The following RYR2 variants were observed in gnomAD, a reference collection of about 807,000 sequenced individuals.
RYR2 encodes cardiac muscle ryanodine receptor-calcium release channel.
Under a neutral mutation model 601.1 loss-of-function variants are expected in RYR2, and 227 were observed. The observed-to-expected ratio is 0.38, with a 90% CI of 0.34 to 0.42. RYR2 has a LOEUF of 0.42. RYR2 is among the 10% of genes least tolerant of loss of function. RYR2 has a pLI of 1.00. For synonymous variants in RYR2, 2,223 were observed against 2,175.1 expected, an observed-to-expected ratio of 1.02 and a Z score of -0.61; for missense variants, 4,646 against 6,156.5, an observed-to-expected ratio of 0.75 and a Z score of 8.21.
intron 1 of RYR2, among the ~76,000 whole-genome samples, chr1:237,093,898 C>A (rs1667232398): frequency 6.6e-6 from 1 of 152,174 alleles, no homozygotes; most frequent in Non-Finnish European, 1.5e-5. Flanking sequence ...ACGTGGCAAA[C>A]CAGAGTGGTG....
chr1:237,456,709 T>C lies in RYR2; in HGVS notation c.1586T>C (p.Ile529Thr), dbSNP rs758084636. 6.2e-7 allele frequency: 1 copy of C among 1,613,640 alleles called. No individual in the cohort carries two copies. The highest frequency in any genetic ancestry group is 2.2e-5 in the East Asian group (1 of 44,874). ...GAAGCAGGAGAGTCTTGGAAATCCA[T>C]TCTGAATTCTCTGTATGAGTTGCTG... Reference protein sequence around the residue: ...GREAGESWKSILNSLYELLAA... With the variant: ...GREAGESWKSTLNSLYELLAA... Residue 529 changes from isoleucine (I) to threonine (T), a missense_variant, in exon 16 of 105, where the codon ATT becomes ACT. Transcript: ENST00000366574.
chr1:237,229,264 A>C (rs1684718141), intron 1 of RYR2, among the ~76,000 whole-genome samples: 1 of 152,224 alleles, frequency 6.6e-6, no homozygotes, highest in African/African-American at 2.4e-5. Flanking sequence ...CTACAGGAGA[A>C]ATGTAGCACT....
chr1:237,336,692 A>G (rs1302765786), intron 3 of RYR2, among the ~76,000 whole-genome samples: 3 of 150,818 alleles, frequency 2.0e-5, no homozygotes, highest in Non-Finnish European at 3.0e-5. Context: ...CCCGTCTCTT[A>G]TGAAAAATAC....
intron 15 of RYR2, among the ~76,000 whole-genome samples, chr1:237,456,084 T>A (rs1485479394): frequency 6.6e-6 from 1 of 152,174 alleles, no homozygotes; most frequent in Non-Finnish European, 1.5e-5. Flanking sequence ...GCTCTTTATG[T>A]GGTTTGCCAC....
chr1:237,057,106 G>A (rs778768971), intron 1 of RYR2, among the ~76,000 whole-genome samples: 18 of 152,172 alleles, frequency 1.2e-4, no homozygotes, highest in Admixed American at 2.6e-4. Context: ...GTGTGATTGA[G>A]AAACCACAAA....
rs112387072 is a variant in RYR2 at position 237,591,663 on chromosome 1, A to G, written c.4161-76A>G. 23,394 of 1,232,216 alleles carry G rather than the reference A, an allele frequency of 0.019. 254 individuals are homozygous for G. The highest frequency in any genetic ancestry group is 0.022 in the Non-Finnish European group (19,069 of 854,702). The allele number at this position is 1,232,216 out of a possible 1,614,324, so 76.3% of individuals were successfully genotyped here. A position where few individuals can be genotyped will look rare whatever the true frequency, so the allele number is the denominator to read the frequency against. On this transcript the variant is annotated intron_variant, in intron 31 of 104. Coordinates refer to ENST00000366574, the MANE Select transcript of RYR2 (RefSeq NM_001035.3). ...AATCGCCCAGGTTTAAGGCAACTCA[A>G]TTGATTATATGCTCATATTTGAAGT... is the stretch of plus-strand genomic sequence containing the variant.
At chr1:237,196,850 A>G (rs970421307) in intron 1 of RYR2, among the ~76,000 whole-genome samples, 1 of 152,148 alleles carries the variant, frequency 6.6e-6, no homozygotes, top group African/African-American at 2.4e-5. Context: ...TTATGTATCA[A>G]TTTGGGAGCA....
At chr1:237,281,610 G>A (rs900085744) in intron 2 of RYR2, among the ~76,000 whole-genome samples, 2 of 152,226 alleles carry the variant, frequency 1.3e-5, no homozygotes, top group Non-Finnish European at 2.9e-5. Flanking sequence ...AAAGTGCGTA[G>A]CCAGTTTTTG....
chr1:237,717,824 A>G (rs1328291939), intron 72 of RYR2, among the ~76,000 whole-genome samples: 1 of 151,682 alleles, frequency 6.6e-6, no homozygotes, highest in Admixed American at 6.6e-5. Context: ...AGTTCTCAAG[A>G]TTTTACAATG....
chr1:237,538,047 A>T (rs1439860662), intron 25 of RYR2, among the ~76,000 whole-genome samples: 1 of 151,814 alleles, frequency 6.6e-6, no homozygotes, highest in Non-Finnish European at 1.5e-5. Context: ...TAATCTACTT[A>T]AAAAAAATGT....
intron 69 of RYR2, 124 bp downstream of exon 69, chr1:237,709,222 G>A (rs1303357690): frequency 1.1e-6 from 1 of 926,676 alleles, no homozygotes; most frequent in Non-Finnish European, 1.6e-6. Flanking sequence ...ATAATTAACT[G>A]TTTATAGGCA....
intron 25 of RYR2, among the ~76,000 whole-genome samples, chr1:237,547,356 T>A (rs185038819): frequency 3.2e-4 from 49 of 152,328 alleles, no homozygotes; most frequent in Admixed American, 2.8e-3. Flanking sequence ...AATAATTAAT[T>A]TTGTAACTTA....
At chr1:237,231,145 T>C (rs1213630549) in intron 1 of RYR2, among the ~76,000 whole-genome samples, 3 of 152,184 alleles carry the variant, frequency 2.0e-5, no homozygotes, top group Non-Finnish European at 4.4e-5. Flanking sequence ...TCTGTCATTT[T>C]CGTGTGTCTG....
At chr1:237,262,476 CA>C (rs1390141826) in intron 1 of RYR2, among the ~76,000 whole-genome samples, 1 of 151,810 alleles carries the variant, frequency 6.6e-6, no homozygotes, top group African/African-American at 2.4e-5. Flanking sequence ...AGGCTGGTCC[CA>C]AAATCCTGGC....
At chr1:237,090,216 G>C (rs1416975841) in intron 1 of RYR2, among the ~76,000 whole-genome samples, 14 of 152,180 alleles carry the variant, frequency 9.2e-5, no homozygotes, top group Non-Finnish European at 1.5e-5. Context: ...TTCAAGGTGA[G>C]ATTTGGGTGG....
chr1:237,436,442 T>G (rs866907251), intron 12 of RYR2, among the ~76,000 whole-genome samples: 1 of 146,612 alleles, frequency 6.8e-6, no homozygotes, highest in African/African-American at 2.5e-5. Flanking sequence ...CGAGGGATAA[T>G]GTGTGATTTT....
chr1:237,566,458 T>C (rs1010029856), intron 27 of RYR2, 109 bp from the exon 28 acceptor site: 10 of 1,114,876 alleles, frequency 9.0e-6, no homozygotes, highest in Non-Finnish European at 1.3e-5. Context: ...TCGCTCTAGG[T>C]TGAATTACTA....
chr1:237,101,344 C>G (rs1219879741), intron 1 of RYR2, among the ~76,000 whole-genome samples: 1 of 132,628 alleles, frequency 7.5e-6, no homozygotes, highest in African/African-American at 2.7e-5. Context: ...CAAGATGTTT[C>G]TTTTTTGTGC....
chr1:237,796,713 T>G (rs1306623133), intron 96 of RYR2, among the ~76,000 whole-genome samples: 1 of 152,084 alleles, frequency 6.6e-6, no homozygotes, highest in African/African-American at 2.4e-5. Context: ...TTCTCCTGTA[T>G]AGTGGACTCC....
Sources: allele counts gnomAD v4.1 joint callset (sites outside exome capture counted in the v4.1 genomes callset), GRCh38; gene constraint gnomAD v4.1.1; transcripts MANE v1.5; gene names NCBI Gene and HGNC (gene_info 2026-07-23, HGNC 2026-07-21).